The following SLC25A21 variants were observed in gnomAD, a reference collection of about 807,000 sequenced individuals.
SLC25A21 encodes the protein mitochondrial 2-oxodicarboxylate carrier.
In SLC25A21, 47 loss-of-function variants were observed where a neutral mutation model predicts 43.8. The observed-to-expected ratio is 1.07, with a 90% confidence interval of 0.85 to 1.37. The LOEUF is 1.37. Ranked by LOEUF, SLC25A21 falls within the 40% of genes most tolerant of loss-of-function variation. The probability of loss-of-function intolerance (pLI) is 0.00; values close to 1 mark genes in which losing one functional copy is unlikely to be tolerated. For missense variants in SLC25A21, 352 were observed against 350.2 expected (o/e 1.00, Z -0.04); for synonymous variants, 131 against 121.3 (o/e 1.08, Z -0.52).
At chr14:36,780,758 G>C (rs1286267872) in intron 3 of SLC25A21, among the ~76,000 whole-genome samples, 1 of 152,030 alleles carries the variant, frequency 6.6e-6, no homozygotes, top group Non-Finnish European at 1.5e-5. Context: ...AATCTATCTG[G>C]AGAATGTTTT....
chr14:36,694,035 T>C lies in SLC25A21; in HGVS notation c.604-9110A>G, dbSNP rs569373645. ...CCATCAACTCATCATTTACATTAGGTATTTGTCCTAATGCTATCCCTCCCC... is the reference window on the plus strand; with the variant it reads ...CCATCAACTCATCATTTACATTAGGCATTTGTCCTAATGCTATCCCTCCCC... On this transcript the variant is annotated intron_variant, in intron 7 of 9. Transcript: ENST00000331299. Among the ~76,000 whole-genome samples, 3 of 152,292 alleles carry C rather than the reference T, an allele frequency of 2.0e-5. No homozygotes were observed. The East Asian group carries it at 5.8e-4, about 29-fold the overall frequency.
At chr14:36,942,455 C>T (rs1243595983) in intron 1 of SLC25A21, among the ~76,000 whole-genome samples, 1 of 152,152 alleles carries the variant, frequency 6.6e-6, no homozygotes, top group Non-Finnish European at 1.5e-5. Context: ...GGCTCTCAGG[C>T]ACGTTGGGAG....
At chr14:36,985,267 G>GTA (rs1321591438) in intron 1 of SLC25A21, among the ~76,000 whole-genome samples, 4 of 148,796 alleles carry the variant, frequency 2.7e-5, no homozygotes, top group South Asian at 4.2e-4. Context: ...CATGGCACAT[G>GTA]TATATATATG....
intron 3 of SLC25A21, among the ~76,000 whole-genome samples, chr14:36,805,768 T>C (rs17105389): frequency 0.044 from 6,641 of 152,282 alleles, 507 homozygotes; most frequent in African/African-American, 0.15. Flanking sequence ...CATAGCATAA[T>C]GTTTCTGTAA....
At chr14:36,783,603 T>C (rs1887150452) in intron 3 of SLC25A21, among the ~76,000 whole-genome samples, 1 of 152,162 alleles carries the variant, frequency 6.6e-6, no homozygotes, top group South Asian at 2.1e-4. Flanking sequence ...GGAGGATTCA[T>C]AGACCAACAG....
intron 1 of SLC25A21, among the ~76,000 whole-genome samples, chr14:37,025,944 G>A (rs1356369256): frequency 6.6e-6 from 1 of 152,040 alleles, no homozygotes; most frequent in Non-Finnish European, 1.5e-5. Context: ...TATAGCAAAC[G>A]GAAAAAGCCC....
chr14:36,711,536 A>G lies in SLC25A21; in HGVS notation c.439-54T>C, dbSNP rs980626107. 4 of 1,544,986 alleles carry G rather than the reference A, an allele frequency of 2.6e-6. No homozygotes were observed. In the African/African-American group the frequency reaches 4.2e-5, roughly 16 times the overall value. On this transcript the variant is annotated intron_variant, in intron 6 of 9. Coordinates refer to ENST00000331299, the MANE Select transcript of SLC25A21 (RefSeq NM_030631.4). ...GATCATCTTTGGGACTGTGGAATAC[A>G]GTAAATTACCGTATTAACTTCCCTT...
At chr14:37,038,782 T>A (rs892742850) in intron 1 of SLC25A21, among the ~76,000 whole-genome samples, 2 of 152,146 alleles carry the variant, frequency 1.3e-5, no homozygotes, top group Non-Finnish European at 2.9e-5. Flanking sequence ...CTAGCGAGTA[T>A]CTTCCTTCCC....
intron 7 of SLC25A21, among the ~76,000 whole-genome samples, chr14:36,704,656 C>CAAAA (rs758402770): frequency 9.6e-6 from 1 of 104,576 alleles, no homozygotes; most frequent in Non-Finnish European, 2.0e-5. Flanking sequence ...GACTCCGTCT[C>CAAAA]AAAAAAAAAA....
chr14:36,690,323 G>A (rs1221953507), intron 7 of SLC25A21, among the ~76,000 whole-genome samples: 1 of 152,088 alleles, frequency 6.6e-6, no homozygotes, highest in African/African-American at 2.4e-5. Context: ...TGCAAAAAGT[G>A]TACACAAAAT....
In SLC25A21 at chr14:36,805,631, C is replaced by A. The variant is rs534084787; in HGVS notation, c.203+8287G>T. Among the ~76,000 whole-genome samples the A allele has an allele frequency of 8.5e-5, 13 of 152,236 alleles. No homozygotes were observed. The East Asian group carries it at 2.1e-3, about 25-fold the overall frequency. On this transcript the variant is annotated intron_variant, in intron 3 of 9. Transcript: ENST00000331299. ...AATAATGTATCCATGGTCCAACTGC[C>A]TGTTGTTTTTAAAACTATTGAAATA... is the stretch of plus-strand genomic sequence containing the variant.
rs569781620 is a variant in SLC25A21, at chr14:36,866,520, C to T, written c.119+8436G>A. On this transcript the variant is annotated intron_variant, in intron 2 of 9. Coordinates refer to ENST00000331299, the MANE Select transcript of SLC25A21 (RefSeq NM_030631.4). ...GACTTCCATAAATCCTTGGGGTTTT[C>T]GAATGCCACTTTCTCCACACAGGTA... is the stretch of plus-strand genomic sequence containing the variant. 4.6e-5 allele frequency among the ~76,000 whole-genome samples: 7 copies of T among 152,250 alleles called. No individual in the cohort carries two copies. In the South Asian group the frequency reaches 1.2e-3, roughly 27 times the overall value.
At chr14:36,774,651 T>G (rs559094554) in intron 3 of SLC25A21, among the ~76,000 whole-genome samples, 1 of 152,234 alleles carries the variant, frequency 6.6e-6, no homozygotes, top group African/African-American at 2.4e-5. Flanking sequence ...CACTGCAGCC[T>G]TAATCTCCTG....
At chr14:36,707,900 G>A (rs1883648865) in intron 7 of SLC25A21, among the ~76,000 whole-genome samples, 1 of 152,178 alleles carries the variant, frequency 6.6e-6, no homozygotes, top group Non-Finnish European at 1.5e-5. Flanking sequence ...TGAGGTGGGA[G>A]GATCACTGAA....
chr14:36,910,542 T>G (rs1309176975), intron 1 of SLC25A21, among the ~76,000 whole-genome samples: 1 of 152,148 alleles, frequency 6.6e-6, no homozygotes, highest in Non-Finnish European at 1.5e-5. Context: ...TTGGAAGTGG[T>G]GCTGGGGACA....
At chr14:36,705,233 G>C (rs1453122739) in intron 7 of SLC25A21, among the ~76,000 whole-genome samples, 6 of 151,348 alleles carry the variant, frequency 4.0e-5, no homozygotes, top group African/African-American at 1.5e-4. Flanking sequence ...TTTTAGTAGA[G>C]ACAGGGCTTC....
chr14:36,835,846 C>T (rs1339829922), intron 2 of SLC25A21, among the ~76,000 whole-genome samples: 1 of 152,156 alleles, frequency 6.6e-6, no homozygotes, highest in Non-Finnish European at 1.5e-5. Flanking sequence ...CCTACATGAC[C>T]AAAAGTAGAT....
At chr14:36,747,833 G>A (rs61994949) in intron 3 of SLC25A21, among the ~76,000 whole-genome samples, 208 of 152,178 alleles carry the variant, frequency 1.4e-3, no homozygotes, top group Non-Finnish European at 2.3e-3. Context: ...CCAAGCTTTG[G>A]ACCCGCGCAT....
At chr14:37,090,559 T>A (rs1437817049) in intron 1 of SLC25A21, among the ~76,000 whole-genome samples, 1 of 152,220 alleles carries the variant, frequency 6.6e-6, no homozygotes, top group Non-Finnish European at 1.5e-5. Context: ...GCTTTCAATA[T>A]TTCATTGAAG....
Sources: allele counts gnomAD v4.1 joint callset (sites outside exome capture counted in the v4.1 genomes callset), GRCh38; gene constraint gnomAD v4.1.1; transcripts MANE v1.5; gene names NCBI Gene and HGNC (gene_info 2026-07-23, HGNC 2026-07-21).